CPED1: variants seen among roughly 807,000 people sequenced by gnomAD.
CPED1 encodes the protein cadherin-like and PC-esterase domain-containing protein 1.
CPED1 carries 114 observed loss-of-function variants against 128.2 expected under a neutral mutation model. That is an observed-to-expected ratio of 0.89 (90% CI 0.76 to 1.04). The LOEUF is 1.04. Ranked by LOEUF, CPED1 falls within the 50% of genes least tolerant of loss-of-function variation. CPED1 has a pLI of 0.00. For synonymous variants in CPED1, 462 were observed against 426.7 expected, an observed-to-expected ratio of 1.08 and a Z score of -1.02; for missense variants, 1,211 against 1,207.1, an observed-to-expected ratio of 1.00 and a Z score of -0.05.
intron 7 of CPED1, among the ~76,000 whole-genome samples, chr7:121,103,749 A>G (rs1199343149): frequency 1.3e-5 from 2 of 152,140 alleles, no homozygotes; most frequent in Non-Finnish European, 2.9e-5. Flanking sequence ...TTAAATCAGT[A>G]GTGATTTATG....
chr7:121,125,469 A>G (rs531470958), intron 8 of CPED1, among the ~76,000 whole-genome samples: 2 of 151,304 alleles, frequency 1.3e-5, no homozygotes, highest in African/African-American at 2.4e-5. Context: ...TTGCCCCCCA[A>G]CCCCCAACAG....
intron 7 of CPED1, among the ~76,000 whole-genome samples, chr7:121,115,863 T>C (rs1303042387): frequency 1.3e-5 from 2 of 152,172 alleles, no homozygotes; most frequent in African/African-American, 4.8e-5. Context: ...AGCAGGCATA[T>C]ACGTAGAGAG....
intron 17 of CPED1, among the ~76,000 whole-genome samples, chr7:121,239,332 A>ATGAT (rs1171822870): frequency 6.6e-6 from 1 of 152,128 alleles, no homozygotes; most frequent in South Asian, 2.1e-4. Flanking sequence ...AAACTTTTGA[A>ATGAT]TGATTGTATT....
intron 22 of CPED1, among the ~76,000 whole-genome samples, chr7:121,280,344 A>G (rs1467565855): frequency 1.3e-5 from 2 of 152,176 alleles, no homozygotes. Context: ...CAACAGTTTA[A>G]TATTAAACTG....
intron 7 of CPED1, among the ~76,000 whole-genome samples, chr7:121,113,254 G>A (rs945981864): frequency 1.3e-5 from 2 of 152,080 alleles, no homozygotes; most frequent in African/African-American, 2.4e-5. Context: ...CTATGTGCTG[G>A]GCCATGTGAA....
intron 2 of CPED1, among the ~76,000 whole-genome samples, chr7:121,001,293 C>T (rs1197977722): frequency 6.6e-6 from 1 of 152,118 alleles, no homozygotes; most frequent in East Asian, 1.9e-4. Flanking sequence ...AACATATCTT[C>T]CCTCATTTAT....
At chr7:121,269,485 G>T (rs1175959707) in intron 21 of CPED1, among the ~76,000 whole-genome samples, 1 of 151,982 alleles carries the variant, frequency 6.6e-6, no homozygotes, top group Non-Finnish European at 1.5e-5. Context: ...TTGGTAGGAT[G>T]ATTTATTTTC....
At chr7:121,100,380 A>T (rs573543483) in intron 7 of CPED1, among the ~76,000 whole-genome samples, 24 of 152,208 alleles carry the variant, frequency 1.6e-4, no homozygotes, top group African/African-American at 5.5e-4. Flanking sequence ...TCACAGCTAT[A>T]CTCTGTTTTT....
In CPED1 at chr7:121,051,570, G is replaced by A; in HGVS notation, c.540+4577G>A. The A allele has an allele frequency of 1.6e-5, 6 of 380,600 alleles. 1 individual carries two copies. Among genetic ancestry groups the A allele is most frequent in the South Asian group, 1.2e-4 (6 of 49,230 alleles). The allele number at this position is 380,600 out of a possible 1,614,324, so 23.6% of individuals were successfully genotyped here. ...ATATGAAGTCAGTCCTGCATTTAAT[G>A]TCTTGAACATTTTAAATTACTTCTA... is the stretch of plus-strand genomic sequence containing the variant. On this transcript the variant is annotated intron_variant, in intron 4 of 22. Coordinates refer to ENST00000310396, the MANE Select transcript of CPED1 (RefSeq NM_024913.5).
At chr7:121,256,766 C>T (rs895387996) in intron 18 of CPED1, among the ~76,000 whole-genome samples, 1 of 151,950 alleles carries the variant, frequency 6.6e-6, no homozygotes, top group Non-Finnish European at 1.5e-5. Flanking sequence ...CGCATGCACT[C>T]GTATGTTCAT....
At chr7:121,108,046 C>T (rs909042071) in intron 7 of CPED1, among the ~76,000 whole-genome samples, 14 of 152,100 alleles carry the variant, frequency 9.2e-5, no homozygotes, top group Middle Eastern at 3.4e-3. Context: ...AAACAGCAAT[C>T]TTTTTTCACT....
intron 18 of CPED1, among the ~76,000 whole-genome samples, chr7:121,251,767 G>A (rs1798678301): frequency 6.7e-6 from 1 of 148,606 alleles, no homozygotes; most frequent in African/African-American, 2.5e-5. Flanking sequence ...GGATGTGAAG[G>A]ACCTCTTCAA....
intron 16 of CPED1, among the ~76,000 whole-genome samples, chr7:121,229,819 A>T (rs1458815152): frequency 6.6e-6 from 1 of 151,988 alleles, no homozygotes; most frequent in Non-Finnish European, 1.5e-5. Flanking sequence ...CACGTCCTAA[A>T]AAAAGAAATG....
intron 22 of CPED1, among the ~76,000 whole-genome samples, chr7:121,277,838 T>C (rs1329619540): frequency 1.3e-5 from 2 of 152,090 alleles, no homozygotes; most frequent in African/African-American, 4.8e-5. Flanking sequence ...AAGCAAAGTC[T>C]GGAGAAATAG....
At chr7:121,203,090 T>G (rs970275533) in intron 16 of CPED1, among the ~76,000 whole-genome samples, 3 of 152,112 alleles carry the variant, frequency 2.0e-5, no homozygotes, top group African/African-American at 7.2e-5. Context: ...CCAGAGGACA[T>G]GATACATCCT....
chr7:121,077,344 C>T (rs567667727), intron 5 of CPED1, among the ~76,000 whole-genome samples: 1 of 152,010 alleles, frequency 6.6e-6, no homozygotes, highest in Non-Finnish European at 1.5e-5. Flanking sequence ...TGCATTTTTT[C>T]ATTCCTTTTA....
intron 21 of CPED1, among the ~76,000 whole-genome samples, chr7:121,268,100 A>G (rs1295520601): frequency 6.6e-6 from 1 of 152,074 alleles, no homozygotes; most frequent in Non-Finnish European, 1.5e-5. Context: ...TTAATTCAAA[A>G]TGAGTTGAGG....
intron 3 of CPED1, among the ~76,000 whole-genome samples, chr7:121,031,177 T>A (rs1792721713): frequency 6.6e-6 from 1 of 152,238 alleles, no homozygotes; most frequent in South Asian, 2.1e-4. Flanking sequence ...TTAGGTTTTT[T>A]CAACTTGTTG....
chr7:121,248,509 T>G (rs1798592015), intron 18 of CPED1, among the ~76,000 whole-genome samples: 2 of 150,466 alleles, frequency 1.3e-5, no homozygotes, highest in Non-Finnish European at 2.9e-5. Flanking sequence ...GCCTAACACA[T>G]ATTACTTTTA....
Sources: gnomAD v4.1 joint callset for allele counts (sites outside exome capture counted in the v4.1 genomes callset) on GRCh38, gnomAD v4.1.1 for gene constraint, MANE v1.5 for transcripts, NCBI Gene and HGNC (gene_info 2026-07-23, HGNC 2026-07-21) for gene names.